Variants in SGCZ observed in about 807,000 individuals in gnomAD.
SGCZ encodes the protein zeta-sarcoglycan.
A neutral mutation model predicts 41.3 loss-of-function variants in SGCZ; 40 were observed. The observed-to-expected ratio is 0.97, with a 90% CI of 0.75 to 1.26. The LOEUF is 1.26. Ranked by LOEUF, SGCZ falls within the 50% of genes most tolerant of loss-of-function variation. SGCZ has a pLI of 0.00. For synonymous variants in SGCZ, 206 were observed against 137.5 expected, an observed-to-expected ratio of 1.50 and a Z score of -3.49; for missense variants, 552 against 369.8, an observed-to-expected ratio of 1.49 and a Z score of -4.04.
chr8:14,446,421 C>T (rs1800433832), intron 2 of SGCZ, among the ~76,000 whole-genome samples: 1 of 152,114 alleles, frequency 6.6e-6, no homozygotes, highest in South Asian at 2.1e-4. Flanking sequence ...AAAGACCACC[C>T]TGGTTGGCAA....
chr8:15,230,196 A>C (rs1319057721), intron 1 of SGCZ, among the ~76,000 whole-genome samples: 6 of 152,062 alleles, frequency 3.9e-5, no homozygotes, highest in Admixed American at 2.6e-4. Context: ...AAAAAAAAAA[A>C]AAAAAACTGT....
intron 5 of SGCZ, among the ~76,000 whole-genome samples, chr8:14,128,110 G>GA (rs908949407): frequency 3.3e-5 from 5 of 152,032 alleles, no homozygotes; most frequent in African/African-American, 1.2e-4. Context: ...AGGTTGTGGA[G>GA]AAAAAAATGC....
At chr8:14,609,916 T>C (rs1805872058) in intron 1 of SGCZ, among the ~76,000 whole-genome samples, 1 of 152,230 alleles carries the variant, frequency 6.6e-6, no homozygotes, top group Admixed American at 6.5e-5. Context: ...AGCACCCTAA[T>C]TTGTTTAATG....
At chr8:14,354,328 T>G (rs1196421733) in intron 2 of SGCZ, among the ~76,000 whole-genome samples, 1 of 151,888 alleles carries the variant, frequency 6.6e-6, no homozygotes, top group East Asian at 1.9e-4. Context: ...AATCTTTATA[T>G]AAATGTAATA....
In SGCZ at chr8:14,514,860, A is replaced by G. The variant is rs575440962; in HGVS notation, c.234+39872T>C. Among the ~76,000 whole-genome samples the G allele has an allele frequency of 6.5e-4, 97 of 149,240 alleles. 1 individual carries two copies. Among genetic ancestry groups the G allele is most frequent in the Middle Eastern group, 3.5e-3 (1 of 282 alleles). On this transcript the variant is annotated intron_variant, in intron 2 of 7. Coordinates refer to ENST00000382080, the MANE Select transcript of SGCZ (RefSeq NM_139167.4). ...ACACACACACTGCATATATGAACCC[A>G]TAGACAGAAATTACGAAAATATTAC...
intron 1 of SGCZ, among the ~76,000 whole-genome samples, chr8:15,010,481 G>T (rs1357704493): frequency 2.0e-5 from 3 of 151,990 alleles, no homozygotes; most frequent in Non-Finnish European, 2.9e-5. Context: ...TTTTATGTTG[G>T]TGGTCATTTC....
chr8:15,123,055 C>G (rs563656211), intron 1 of SGCZ, among the ~76,000 whole-genome samples: 43 of 152,300 alleles, frequency 2.8e-4, no homozygotes, highest in African/African-American at 1.0e-3. Context: ...CAATGGCACT[C>G]TGGTACTGCT....
chr8:14,650,477 AT>A (rs138022972), intron 1 of SGCZ, among the ~76,000 whole-genome samples: 27,700 of 151,076 alleles, frequency 0.18, 3,146 homozygotes, highest in Admixed American at 0.25. Flanking sequence ...CCCAACGGTT[AT>A]TTTTTTTTCT....
intron 3 of SGCZ, among the ~76,000 whole-genome samples, chr8:14,256,233 A>G (rs1585286869): frequency 6.6e-6 from 1 of 152,158 alleles, no homozygotes; most frequent in Admixed American, 6.5e-5. Flanking sequence ...AATTCATTAA[A>G]AAGTCTTCCA....
intron 4 of SGCZ, among the ~76,000 whole-genome samples, chr8:14,198,508 T>A (rs1216731703): frequency 6.6e-6 from 1 of 152,120 alleles, no homozygotes; most frequent in Non-Finnish European, 1.5e-5. Flanking sequence ...ACTTCTTTAA[T>A]GATCCATTCA....
intron 5 of SGCZ, among the ~76,000 whole-genome samples, chr8:14,131,620 G>T (rs1050177395): frequency 6.6e-5 from 10 of 151,992 alleles, no homozygotes; most frequent in African/African-American, 2.4e-4. Flanking sequence ...CTATCTTTCA[G>T]TTTATCCTAC....
At chr8:14,340,785 T>C (rs956180407) in intron 2 of SGCZ, among the ~76,000 whole-genome samples, 2 of 152,166 alleles carry the variant, frequency 1.3e-5, no homozygotes, top group Non-Finnish European at 2.9e-5. Context: ...TGGTAAAATA[T>C]ACTTAAAATA....
intron 2 of SGCZ, among the ~76,000 whole-genome samples, chr8:14,367,770 A>G (rs1480201665): frequency 6.6e-6 from 1 of 152,082 alleles, no homozygotes; most frequent in Non-Finnish European, 1.5e-5. Context: ...GTCTCTCCCT[A>G]AACACTTGGG....
intron 2 of SGCZ, among the ~76,000 whole-genome samples, chr8:14,418,257 C>A (rs1799549456): frequency 6.6e-6 from 1 of 151,906 alleles, no homozygotes; most frequent in Admixed American, 6.6e-5. Context: ...ATTAGAAGTT[C>A]TTCCTGAGGG....
At chr8:14,246,975 T>C (rs1003138306) in intron 3 of SGCZ, among the ~76,000 whole-genome samples, 24 of 149,256 alleles carry the variant, frequency 1.6e-4, no homozygotes, top group Non-Finnish European at 3.6e-4. Context: ...AGAATGCAAA[T>C]CATCTAATTA....
intron 1 of SGCZ, among the ~76,000 whole-genome samples, chr8:14,728,678 C>T (rs1280396390): frequency 6.6e-6 from 1 of 152,036 alleles, no homozygotes; most frequent in Non-Finnish European, 1.5e-5. Flanking sequence ...ATTTATGTCT[C>T]AATCAGTATA....
At position 15,079,964 on chromosome 8, in the gene SGCZ, T is replaced by C. The variant is rs181596009; in HGVS notation, c.39+157621A>G. On this transcript the variant is annotated intron_variant, in intron 1 of 7. Coordinates refer to ENST00000382080, the MANE Select transcript of SGCZ (RefSeq NM_139167.4). The stretch of plus-strand genomic sequence containing the variant: ...AACATACACTTTTGATTGCCTGCTC[T>C]TTTCTCTTTAATCCTCTCCAACCCT... 4.6e-3 allele frequency among the ~76,000 whole-genome samples: 701 copies of C among 152,320 alleles called. 3 individuals are homozygous for C. The highest frequency in any genetic ancestry group is 0.027 in the Middle Eastern group (8 of 294).
At chr8:15,008,620 G>A (rs1424274224) in intron 1 of SGCZ, among the ~76,000 whole-genome samples, 2 of 83,190 alleles carry the variant, frequency 2.4e-5, no homozygotes, top group East Asian at 4.1e-4. Flanking sequence ...ACTGATGGAC[G>A]GATGGGAGGG....
chr8:14,247,417 C>T (rs1295199193), intron 3 of SGCZ, among the ~76,000 whole-genome samples: 1 of 152,108 alleles, frequency 6.6e-6, no homozygotes, highest in Non-Finnish European at 1.5e-5. Flanking sequence ...CATGACAGTC[C>T]ATTTACAGGG....
Sources: gnomAD v4.1 joint callset for allele counts (sites outside exome capture counted in the v4.1 genomes callset) on GRCh38, gnomAD v4.1.1 for gene constraint, MANE v1.5 for transcripts, NCBI Gene and HGNC (gene_info 2026-07-23, HGNC 2026-07-21) for gene names.